The following NF1 variants were observed in gnomAD, a reference collection of about 807,000 sequenced individuals.
NF1 encodes neurofibromin 1.
A neutral mutation model predicts 325.7 loss-of-function variants in NF1; 122 were observed. That is an observed-to-expected ratio of 0.37 (90% CI 0.32 to 0.44). The LOEUF (loss-of-function observed/expected upper bound fraction) is 0.44. NF1 is among the 20% of genes least tolerant of loss of function. The pLI is 1.00. For synonymous variants in NF1, 1,091 were observed against 1,186.0 expected (o/e 0.92, Z 1.65); for missense variants, 2,140 against 3,415.4 (o/e 0.63, Z 9.31).
At position 31,319,722 on chromosome 17, in the gene NF1, G is replaced by A. The variant is rs180989922; in HGVS notation, c.4836-6098G>A. Among the ~76,000 whole-genome samples the A allele has an allele frequency of 2.0e-5, 3 of 148,718 alleles. No homozygotes were observed. The East Asian group carries it at 5.8e-4, about 29-fold the overall frequency. ...CTGACTGTGTCTTTCTGAAGGCAAA[G>A]GCATACCAGTTTTCTCAACCTAAAA... On this transcript the variant is annotated intron_variant, in intron 36 of 57. Transcript: ENST00000358273.
At chr17:31,340,356 G>T in intron 46 of NF1, 149 bp from the exon 47 acceptor site, 1 of 950,358 alleles carries the variant, frequency 1.1e-6, no homozygotes. Context: ...ATGGAAAAGT[G>T]AAGAGCTTAC....
chr17:31,349,180 T>TA lies in NF1; in HGVS notation c.7252dup (p.Thr2418AsnfsTer4). 6.2e-7 allele frequency: 1 copy of TA among 1,613,130 alleles called. No individual in the cohort carries two copies. The highest frequency in any genetic ancestry group is 8.5e-7 in the Non-Finnish European group (1 of 1,179,456). On this transcript the variant is annotated frameshift_variant, in exon 49 of 58. Coordinates refer to ENST00000358273, the MANE Select transcript of NF1 (RefSeq NM_001042492.3). LOFTEE classifies it high-confidence loss of function. ...ACAGTCAGAATTTTACATACACTACTAACTCTGGTTAACAAACACAGAAAT... is the reference window on the plus strand; with the variant it reads ...ACAGTCAGAATTTTACATACACTACTAAACTCTGGTTAACAAACACAGAAAT...
At chr17:31,296,415 C>G in intron 36 of NF1, 1 of 1,380,648 alleles carries the variant, frequency 7.2e-7, no homozygotes, top group Non-Finnish European at 1.0e-6. Flanking sequence ...TAGCATTAGG[C>G]AAAATTTTCA....
chr17:31,254,642 T>A (rs2067551707), intron 31 of NF1, among the ~76,000 whole-genome samples: 1 of 152,306 alleles, frequency 6.6e-6, no homozygotes, highest in Admixed American at 6.5e-5. Context: ...AAATTCAGGC[T>A]TTCTGTGTTT....
intron 3 of NF1, among the ~76,000 whole-genome samples, chr17:31,161,758 G>A (rs1043738603): frequency 1.3e-5 from 2 of 152,070 alleles, no homozygotes; most frequent in African/African-American, 4.8e-5. Flanking sequence ...TATACAGGCC[G>A]GGCACCATGG....
chr17:31,132,464 C>CAGG (rs1315481421), intron 1 of NF1, among the ~76,000 whole-genome samples: 1 of 152,010 alleles, frequency 6.6e-6, no homozygotes, highest in Non-Finnish European at 1.5e-5. Context: ...CGCTTGAACC[C>CAGG]AGGAGGAGGA....
chr17:31,327,417 G>T, intron 37 of NF1, 82 bp from the exon 38 acceptor site: 2 of 973,768 alleles, frequency 2.1e-6, no homozygotes, highest in South Asian at 1.4e-5. Context: ...TTGTTTGGTT[G>T]GTTGGTTTCT....
At chr17:31,181,545 T>G in intron 6 of NF1, 56 bp downstream of exon 6, 1 of 1,535,516 alleles carries the variant, frequency 6.5e-7, no homozygotes, top group Non-Finnish European at 9.0e-7. Context: ...AATTTGCTGT[T>G]GTTAGCATCC....
rs1160729196 is a variant in NF1, at chr17:31,374,363, A to C, written c.*208A>C. 3 of 641,934 alleles carry C rather than the reference A, an allele frequency of 4.7e-6. No homozygotes were observed. In the South Asian group the frequency reaches 5.7e-5, roughly 12 times the overall value. 39.8% of individuals were successfully genotyped at this position (641,934 alleles called of 1,614,324 possible). A position where few individuals can be genotyped will look rare whatever the true frequency, so the allele number is the denominator to read the frequency against. On this transcript the variant is annotated 3_prime_UTR_variant, in exon 58 of 58. Coordinates refer to ENST00000358273, the MANE Select transcript of NF1 (RefSeq NM_001042492.3). ...CCTTTTCTTTAACTTTTTTTCTTCT[A>C]CTTTTGGCGTGTATCTGGTATATGT...
intron 57 of NF1, among the ~76,000 whole-genome samples, chr17:31,364,339 ATGTTGC>A (rs1182552981): frequency 6.6e-6 from 1 of 152,190 alleles, no homozygotes; most frequent in East Asian, 1.9e-4. Context: ...CAAAAAGCAA[ATGTTGC>A]TGATCTGCAC....
At chr17:31,295,581 C>G (rs1208999187) in intron 36 of NF1, 2 of 1,614,046 alleles carry the variant, frequency 1.2e-6, no homozygotes, top group African/African-American at 1.3e-5. Context: ...CATGGAGTCC[C>G]TATCACATGG....
In NF1 at chr17:31,201,157, A is replaced by G. The variant is rs770767889; in HGVS notation, c.1183A>G (p.Lys395Glu). Residue 395 changes from lysine (K) to glutamate (E), a missense_variant and splice_region_variant, in exon 10 of 58, where the codon AAG becomes GAG. Physicochemically the swap from Lys to Glu is moderately conservative, Grantham distance 56. This residue lies in a region of NF1 where 179 missense variants were observed against 381.0 expected (regional missense o/e 0.47). Transcript: ENST00000358273. ...AAGCCCTCACAACAACCAACACTTT[A>G]AGGTGAGAGCATTGGTTTTTATCTA... ...RISPHNNQHF[K>E]ICLAQNSPST... 1 of 1,614,092 alleles carries G rather than the reference A, an allele frequency of 6.2e-7. No individual in the cohort carries two copies. Among genetic ancestry groups the G allele is most frequent in the Non-Finnish European group, 8.5e-7 (1 of 1,179,980 alleles).
intron 1 of NF1, among the ~76,000 whole-genome samples, chr17:31,103,388 G>T (rs527614606): frequency 5.9e-5 from 9 of 152,024 alleles, no homozygotes; most frequent in Admixed American, 1.3e-4. Flanking sequence ...GATTACAGGC[G>T]TGTGCCACCA....
rs971483734 is a variant in NF1 at position 31,339,861 on chromosome 17, A to C, written c.6922-644A>C. Among the ~76,000 whole-genome samples the C allele has an allele frequency of 5.3e-5, 8 of 152,166 alleles. No homozygotes were observed. The East Asian group carries it at 1.5e-3, about 29-fold the overall frequency. The stretch of plus-strand genomic sequence containing the variant: ...AAATAAAGTTAAAGGGAAACATAGG[A>C]GTTAATGTAGGTAGAGAGAAAGGGA... On this transcript the variant is annotated intron_variant, in intron 46 of 57. Transcript: ENST00000358273.
intron 1 of NF1, among the ~76,000 whole-genome samples, chr17:31,102,676 A>C (rs1384734111): frequency 6.6e-6 from 1 of 151,566 alleles, no homozygotes; most frequent in Non-Finnish European, 1.5e-5. Context: ...TCAAGCATAC[A>C]GTGAGCCATG....
In NF1 at chr17:31,163,520, G is replaced by T. The variant is rs991197112; in HGVS notation, c.479+144G>T. The T allele has an allele frequency of 8.7e-6, 7 of 801,084 alleles. No homozygotes were observed. In the African/African-American group the frequency reaches 1.2e-4, roughly 14 times the overall value. 49.6% of individuals were successfully genotyped at this position (801,084 alleles called of 1,614,324 possible). A position where few individuals can be genotyped will look rare whatever the true frequency, so the allele number is the denominator to read the frequency against. The stretch of plus-strand genomic sequence containing the variant: ...TTCTTTTGCCCCTCACAGCAGCTTT[G>T]ACCTCCCAGGCTTAGGTGATCCTCC... On this transcript the variant is annotated intron_variant, in intron 4 of 57. Coordinates refer to ENST00000358273, the MANE Select transcript of NF1 (RefSeq NM_001042492.3).
Position 31,308,407 on chromosome 17 carries a change from C to T in NF1, c.4836-17413C>T, listed in dbSNP as rs142430408. On this transcript the variant is annotated intron_variant, in intron 36 of 57. Coordinates refer to ENST00000358273, the MANE Select transcript of NF1 (RefSeq NM_001042492.3). ...CTGTCCGCCTCAGCCTCCCAAAATGCTGGGATTACAGGCATGAGCCACCAC... is the reference window on the plus strand; with the variant it reads ...CTGTCCGCCTCAGCCTCCCAAAATGTTGGGATTACAGGCATGAGCCACCAC... Among the ~76,000 whole-genome samples, 1,162 of 152,230 alleles carry T rather than the reference C, an allele frequency of 7.6e-3. 19 individuals are homozygous for T. The highest frequency in any genetic ancestry group is 0.027 in the African/African-American group (1,119 of 41,530).
intron 8 of NF1, among the ~76,000 whole-genome samples, chr17:31,194,442 A>G (rs1223757764): frequency 2.6e-5 from 4 of 152,092 alleles, no homozygotes; most frequent in Non-Finnish European, 4.4e-5. Context: ...TTACAACTAG[A>G]TAGGAAGAGT....
chr17:31,345,114 C>T (rs1366853880), intron 48 of NF1, among the ~76,000 whole-genome samples: 1 of 152,152 alleles, frequency 6.6e-6, no homozygotes, highest in East Asian at 1.9e-4. Flanking sequence ...CAGAGTGACA[C>T]TCTGTCTTAA....
Sources: gnomAD v4.1 joint callset for allele counts (sites outside exome capture counted in the v4.1 genomes callset) on GRCh38, gnomAD v4.1.1 for gene constraint, gnomAD v4.1.1 regional missense constraint, MANE v1.5 for transcripts, NCBI Gene and HGNC (gene_info 2026-07-23, HGNC 2026-07-21) for gene names.